CD244: variants seen among roughly 807,000 people sequenced by gnomAD.
CD244 encodes the protein natural killer cell receptor 2B4.
In CD244, 20 loss-of-function variants were observed where a neutral mutation model predicts 45.5. The observed-to-expected ratio is 0.44, with a 90% CI of 0.31 to 0.64. The LOEUF is 0.64. Ranked by LOEUF, CD244 falls within the 30% of genes least tolerant of loss-of-function variation. The pLI, the probability that CD244 is intolerant of heterozygous loss-of-function variation, is 0.08. For synonymous variants in CD244, 185 were observed against 160.5 expected, an observed-to-expected ratio of 1.15 and a Z score of -1.15; for missense variants, 407 against 426.9, an observed-to-expected ratio of 0.95 and a Z score of 0.41.
At position 160,848,309 on chromosome 1, in the gene CD244, G is replaced by A. The variant is rs1306256555; in HGVS notation, c.62-6408C>T. The A allele has an allele frequency of 2.9e-5, 17 of 592,512 alleles. 1 individual carries two copies. The East Asian group carries it at 6.8e-4, about 24-fold the overall frequency. 36.7% of individuals were successfully genotyped at this position (592,512 alleles called of 1,614,324 possible). A position where few individuals can be genotyped will look rare whatever the true frequency, so the allele number is the denominator to read the frequency against. Reference sequence around the variant, plus strand: ...TACAGGTCTTGGCATCTTGTCCATGGCAAATGCTGGACCCAACACAAATAG... The same window carrying A: ...TACAGGTCTTGGCATCTTGTCCATGACAAATGCTGGACCCAACACAAATAG... On this transcript the variant is annotated intron_variant, in intron 1 of 8. Coordinates refer to ENST00000368034, the MANE Select transcript of CD244 (RefSeq NM_016382.4).
rs1049300115 is a variant in CD244 at position 160,831,182 on chromosome 1, A to G, written c.*165T>C. 4.9e-6 allele frequency: 3 copies of G among 613,138 alleles called. No homozygotes were observed. In the African/African-American group the frequency reaches 5.5e-5, roughly 11 times the overall value. The allele number at this position is 613,138 out of a possible 1,614,324, so 38.0% of individuals were successfully genotyped here. A position where few individuals can be genotyped will look rare whatever the true frequency, so the allele number is the denominator to read the frequency against. ...ATTATTTAACAGCCTTGCTCTTATC[A>G]TGGTTGTTAGACATCATTTTCAAAA... On this transcript the variant is annotated 3_prime_UTR_variant, in exon 9 of 9. Transcript: ENST00000368034.
intron 1 of CD244, among the ~76,000 whole-genome samples, chr1:160,857,653 C>G (rs561582201): frequency 6.6e-6 from 1 of 152,300 alleles, no homozygotes; most frequent in African/African-American, 2.4e-5. Flanking sequence ...GTGGTAGACA[C>G]AAGAGTGTGT....
At chr1:160,852,763 C>CT (rs1437743442) in intron 1 of CD244, among the ~76,000 whole-genome samples, 1 of 151,956 alleles carries the variant, frequency 6.6e-6, no homozygotes, top group African/African-American at 2.4e-5. Context: ...TGGCTCATGC[C>CT]TGTAATCCCA....
intron 6 of CD244, among the ~76,000 whole-genome samples, chr1:160,834,767 A>G (rs1468398086): frequency 3.0e-4 from 46 of 152,222 alleles, no homozygotes; most frequent in Admixed American, 3.0e-3. Flanking sequence ...TACACAGTAG[A>G]AGCAGAATTC....
chr1:160,834,587 G>A (rs920258408), intron 6 of CD244, among the ~76,000 whole-genome samples: 3 of 152,126 alleles, frequency 2.0e-5, no homozygotes, highest in South Asian at 2.1e-4. Flanking sequence ...CCCTGACCTC[G>A]TGATCCGCCC....
At chr1:160,851,081 G>A (rs1490705001) in intron 1 of CD244, among the ~76,000 whole-genome samples, 1 of 152,122 alleles carries the variant, frequency 6.6e-6, no homozygotes, top group Admixed American at 6.5e-5. Context: ...GCCTTCCCAG[G>A]GCGTGCCACC....
intron 6 of CD244, among the ~76,000 whole-genome samples, chr1:160,835,805 G>A (rs919811351): frequency 2.0e-5 from 3 of 152,200 alleles, no homozygotes; most frequent in Non-Finnish European, 4.4e-5. Flanking sequence ...AGAGATCAAT[G>A]CAGATTCATT....
At chr1:160,862,172 G>T (rs75994853) in intron 1 of CD244, among the ~76,000 whole-genome samples, 1 of 152,236 alleles carries the variant, frequency 6.6e-6, no homozygotes, top group East Asian at 1.9e-4. Flanking sequence ...TGCTGGCCTC[G>T]CCCTCCCCTC....
chr1:160,852,171 C>T (rs1410645892), intron 1 of CD244, among the ~76,000 whole-genome samples: 1 of 152,106 alleles, frequency 6.6e-6, no homozygotes, highest in East Asian at 1.9e-4. Context: ...TATCCAATAG[C>T]CAATAGGCAT....
At chr1:160,836,154 A>C in intron 6 of CD244, 41 bp downstream of exon 6, 50 of 1,483,188 alleles carry the variant, frequency 3.4e-5, no homozygotes, top group Non-Finnish European at 4.6e-5. Flanking sequence ...AGGAAACCCC[A>C]GAGATAGGTA....
Position 160,861,484 on chromosome 1 carries a change from C to T in CD244, c.61+1133G>A, listed in dbSNP as rs147448204. Among the ~76,000 whole-genome samples, 323 of 152,310 alleles carry T rather than the reference C, an allele frequency of 2.1e-3. 3 individuals carry two copies. The highest frequency in any genetic ancestry group is 4.1e-3 in the Non-Finnish European group (282 of 68,032). On this transcript the variant is annotated intron_variant, in intron 1 of 8. Coordinates refer to ENST00000368034, the MANE Select transcript of CD244 (RefSeq NM_016382.4). ...CTTTGTGCCCAGAGTGTACCCTCCTCTAATTCCACGCTCTCCACCTCCGTG... is the reference window on the plus strand; with the variant it reads ...CTTTGTGCCCAGAGTGTACCCTCCTTTAATTCCACGCTCTCCACCTCCGTG...
chr1:160,860,913 G>A (rs1236905593), intron 1 of CD244, among the ~76,000 whole-genome samples: 1 of 152,196 alleles, frequency 6.6e-6, no homozygotes, highest in Non-Finnish European at 1.5e-5. Context: ...GAAGACCCAA[G>A]TCCATCCCTC....
At position 160,862,674 on chromosome 1, in the gene CD244, G is replaced by A. The variant is rs764885317; in HGVS notation, c.4C>T (p.Leu2=). 5 of 1,613,816 alleles carry A rather than the reference G, an allele frequency of 3.1e-6. No homozygotes were observed. The highest frequency in any genetic ancestry group is 4.2e-6 in the Non-Finnish European group (5 of 1,179,880). Residue 2 remains leucine (L), a synonymous_variant, in exon 1 of 9, where the codon CTG becomes TTG. Transcript: ENST00000368034. The part of the protein sequence containing the change: M[L]GQVVTLILLL... The stretch of plus-strand genomic sequence containing the variant: ...AGTATGAGGGTGACCACTTGCCCCA[G>A]CATTTCCACAGGACAGAGGGGCCAG...
chr1:160,846,227 C>T (rs1248330223), intron 1 of CD244, among the ~76,000 whole-genome samples: 2 of 151,936 alleles, frequency 1.3e-5, no homozygotes, highest in African/African-American at 4.8e-5. Context: ...TCCCAAGTCA[C>T]CAAAGTCCAC....
chr1:160,848,181 C>A, intron 1 of CD244: 1 of 514,124 alleles, frequency 1.9e-6, no homozygotes, highest in Non-Finnish European at 3.9e-6. Context: ...AGGATTATTG[C>A]AGAATTTATG....
In CD244 at chr1:160,841,495, G is replaced by A. The variant is rs1669540137; in HGVS notation, c.380-10C>T. 2 of 1,613,830 alleles carry A rather than the reference G, an allele frequency of 1.2e-6. No homozygotes were observed. The highest frequency in any genetic ancestry group is 2.2e-5 in the South Asian group (2 of 91,086). The stretch of plus-strand genomic sequence containing the variant: ...GGTTTCTCAACTTTATCTGGAAGCA[G>A]AGATTCTGATCAGAAAGGCATTGGA... On this transcript the variant is annotated splice_polypyrimidine_tract_variant and intron_variant, in intron 2 of 8. Transcript: ENST00000368034.
At chr1:160,850,378 C>T (rs1179705728) in intron 1 of CD244, among the ~76,000 whole-genome samples, 1 of 152,022 alleles carries the variant, frequency 6.6e-6, no homozygotes, top group Non-Finnish European at 1.5e-5. Flanking sequence ...CTTAATATTG[C>T]TAAGATGTCA....
chr1:160,846,188 T>G (rs1319544618), intron 1 of CD244, among the ~76,000 whole-genome samples: 1 of 152,160 alleles, frequency 6.6e-6, no homozygotes. Flanking sequence ...TTTATAGTCT[T>G]TTATCCCTCA....
intron 6 of CD244, among the ~76,000 whole-genome samples, chr1:160,835,495 C>T (rs1669301965): frequency 6.6e-6 from 1 of 152,038 alleles, no homozygotes; most frequent in Non-Finnish European, 1.5e-5. Flanking sequence ...ACCTGCAGAC[C>T]TAGCTACCCA....
Sources: allele counts gnomAD v4.1 joint callset (sites outside exome capture counted in the v4.1 genomes callset), GRCh38; gene constraint gnomAD v4.1.1; transcripts MANE v1.5; gene names NCBI Gene and HGNC (gene_info 2026-07-23, HGNC 2026-07-21).